The following NFKB1 variants were observed in gnomAD, a reference collection of about 807,000 sequenced individuals.
NFKB1 encodes nuclear factor kappa B subunit 1, also known as nuclear factor NF-kappa-B p105 subunit.
A neutral mutation model predicts 105.1 loss-of-function variants in NFKB1; 9 were observed. That is an observed-to-expected ratio of 0.09 (90% CI 0.05 to 0.15). The LOEUF is 0.15. NFKB1 is among the 10% of genes least tolerant of loss of function. The pLI is 1.00. For synonymous variants in NFKB1, 440 were observed against 442.2 expected (o/e 1.00, Z 0.06); for missense variants, 830 against 1,203.7 (o/e 0.69, Z 4.59).
At chr4:102,519,237 C>T (rs1740405170) in intron 1 of NFKB1, among the ~76,000 whole-genome samples, 1 of 148,480 alleles carries the variant, frequency 6.7e-6, no homozygotes, top group African/African-American at 2.5e-5. Flanking sequence ...ATATTATATA[C>T]ATTTGACATA....
chr4:102,579,151 C>T (rs1725113437), intron 8 of NFKB1, 112 bp downstream of exon 8: 2 of 1,031,660 alleles, frequency 1.9e-6, no homozygotes, highest in South Asian at 3.9e-5. Context: ...CTTTAAGCCT[C>T]AGCTTTATCA....
Position 102,606,444 on chromosome 4 carries a change from T to C in NFKB1, c.1753-52T>C, listed in dbSNP as rs188707725. 26 of 1,487,286 alleles carry C rather than the reference T, an allele frequency of 1.7e-5. No homozygotes were observed. In the African/African-American group the frequency reaches 4.4e-4, roughly 25 times the overall value. The allele number at this position is 1,487,286 out of a possible 1,614,324, so 92.1% of individuals were successfully genotyped here. A position where few individuals can be genotyped will look rare whatever the true frequency, so the allele number is the denominator to read the frequency against. On this transcript the variant is annotated intron_variant, in intron 16 of 23. Transcript: ENST00000226574. ...GTAACAGCTACCAAGCTGTGAGTTG[T>C]AAGTAAGTATTCACTGCTGACCAGT...
intron 16 of NFKB1, 58 bp downstream of exon 16, chr4:102,601,067 T>C (rs564622680): frequency 9.1e-7 from 1 of 1,098,186 alleles, no homozygotes; most frequent in South Asian, 1.4e-5. Context: ...CTTTTTCTTC[T>C]GTTATGTTTG....
At chr4:102,557,897 C>T (rs1490813634) in intron 5 of NFKB1, among the ~76,000 whole-genome samples, 1 of 152,094 alleles carries the variant, frequency 6.6e-6, no homozygotes, top group Non-Finnish European at 1.5e-5. Flanking sequence ...TTACCAGATA[C>T]TGTAGGGCCA....
intron 7 of NFKB1, chr4:102,578,459 C>T (rs1725046269): frequency 5.2e-6 from 1 of 190,876 alleles, no homozygotes; most frequent in African/African-American, 2.3e-5. Context: ...CTGCTTGGCA[C>T]TGTGGAATGA....
chr4:102,593,589 C>T (rs765034315), intron 12 of NFKB1, 21 bp downstream of exon 12: 6 of 1,595,154 alleles, frequency 3.8e-6, no homozygotes, highest in East Asian at 2.3e-5. Context: ...ACTTATTCTT[C>T]CTAAAACTTT....
chr4:102,512,842 T>C (rs1739870978), intron 1 of NFKB1, among the ~76,000 whole-genome samples: 1 of 152,248 alleles, frequency 6.6e-6, no homozygotes, highest in African/African-American at 2.4e-5. Flanking sequence ...CATTGCTGGT[T>C]CACATAATGA....
chr4:102,543,014 T>C (rs1376565953), intron 5 of NFKB1, among the ~76,000 whole-genome samples: 2 of 152,176 alleles, frequency 1.3e-5, no homozygotes, highest in African/African-American at 4.8e-5. Context: ...CTTTAAAGTT[T>C]TTTCCATTCT....
chr4:102,524,789 T>C (rs1740795997), intron 1 of NFKB1, among the ~76,000 whole-genome samples: 1 of 152,116 alleles, frequency 6.6e-6, no homozygotes, highest in Non-Finnish European at 1.5e-5. Context: ...ATCCCTTGCA[T>C]GCACAGTTCA....
chr4:102,611,085 A>C (rs1728367443), intron 20 of NFKB1, among the ~76,000 whole-genome samples: 1 of 152,224 alleles, frequency 6.6e-6, no homozygotes, highest in Admixed American at 6.5e-5. Flanking sequence ...GTAAAAATAA[A>C]CTAAGAATTC....
At chr4:102,559,772 T>C (rs1013768607) in intron 5 of NFKB1, among the ~76,000 whole-genome samples, 3 of 150,792 alleles carry the variant, frequency 2.0e-5, no homozygotes, top group Non-Finnish European at 4.4e-5. Context: ...TGAGACTCTG[T>C]CTATATGGAA....
At position 102,597,970 on chromosome 4, in the gene NFKB1, A is replaced by G. The variant is rs867054858; in HGVS notation, c.1637+309A>G. ...AAGCCTTGCTTTGTTTATTGAAGTA[A>G]TATTTGGAGAATTGTTAAGAGTCCT... is the stretch of plus-strand genomic sequence containing the variant. On this transcript the variant is annotated intron_variant, in intron 15 of 23. Transcript: ENST00000226574. 5.9e-5 allele frequency among the ~76,000 whole-genome samples: 9 copies of G among 152,218 alleles called. No homozygotes were observed. The South Asian group carries it at 1.9e-3, about 32-fold the overall frequency.
chr4:102,545,859 T>C (rs1235290180), intron 5 of NFKB1, among the ~76,000 whole-genome samples: 1 of 152,164 alleles, frequency 6.6e-6, no homozygotes, highest in Non-Finnish European at 1.5e-5. Flanking sequence ...GAATAGATAT[T>C]CAATGTATAC....
rs752185521 is a variant in NFKB1, at chr4:102,529,828, C to T, written c.40-8C>T. On this transcript the variant is annotated splice_region_variant and splice_polypyrimidine_tract_variant and intron_variant, in intron 2 of 23. Coordinates refer to ENST00000226574, the MANE Select transcript of NFKB1 (RefSeq NM_003998.4). Reference sequence around the variant, plus strand: ...ATGATTGAAACATTTAAATGTTCTTCTTTACAGATGTTTCATTTGGATCCT... The same window carrying T: ...ATGATTGAAACATTTAAATGTTCTTTTTTACAGATGTTTCATTTGGATCCT... 8 of 1,571,100 alleles carry T rather than the reference C, an allele frequency of 5.1e-6. No individual in the cohort carries two copies. The East Asian group carries it at 1.8e-4, about 36-fold the overall frequency.
At chr4:102,584,548 G>T in intron 10 of NFKB1, 134 bp from the exon 11 acceptor site, 1 of 753,208 alleles carries the variant, frequency 1.3e-6, no homozygotes, top group East Asian at 3.1e-5. Context: ...TCCAGGACAC[G>T]GTGTTTTTTA....
At chr4:102,533,293 G>A (rs1365815179) in intron 3 of NFKB1, among the ~76,000 whole-genome samples, 2 of 152,076 alleles carry the variant, frequency 1.3e-5, no homozygotes, top group Non-Finnish European at 2.9e-5. Flanking sequence ...AGTAAAGACG[G>A]GAACAGAAAA....
chr4:102,580,804 G>T (rs1578790800), intron 9 of NFKB1, among the ~76,000 whole-genome samples, 165 bp downstream of exon 9: 2 of 152,180 alleles, frequency 1.3e-5, no homozygotes, highest in East Asian at 3.8e-4. Flanking sequence ...AATGTAAATT[G>T]TCTGTGTTAT....
Position 102,616,784 on chromosome 4 carries a change from A to G in NFKB1, c.*190A>G. 1.7e-6 allele frequency: 1 copy of G among 576,942 alleles called. No individual in the cohort carries two copies. The highest frequency in any genetic ancestry group is 3.1e-5 in the East Asian group (1 of 32,522). 35.7% of individuals were successfully genotyped at this position (576,942 alleles called of 1,614,324 possible). A position where few individuals can be genotyped will look rare whatever the true frequency, so the allele number is the denominator to read the frequency against. On this transcript the variant is annotated 3_prime_UTR_variant, in exon 24 of 24. Transcript: ENST00000226574. ...TCATAAATGAATTTTAGTTTGGTTC[A>G]CTTACAGATAGTATCTAGCAATCAC... is the stretch of plus-strand genomic sequence containing the variant.
At chr4:102,557,034 G>A (rs1723036795) in intron 5 of NFKB1, 1 of 152,120 alleles carries the variant, frequency 6.6e-6, no homozygotes, top group African/African-American at 2.4e-5. Context: ...GGTTAGCCCT[G>A]GAAAAGGGAA....
Sources: gnomAD v4.1 joint callset for allele counts (sites outside exome capture counted in the v4.1 genomes callset) on GRCh38, gnomAD v4.1.1 for gene constraint, MANE v1.5 for transcripts, NCBI Gene and HGNC (gene_info 2026-07-23, HGNC 2026-07-21) for gene names.